The following PDS5A variants were observed in gnomAD, a reference collection of about 807,000 sequenced individuals.
PDS5A encodes PDS5 cohesin associated factor A.
In PDS5A, 42 loss-of-function variants were observed where a neutral mutation model predicts 167.1. The ratio of observed to expected loss-of-function variants is 0.25; its 90% CI spans 0.20 to 0.33. PDS5A has a LOEUF of 0.33. PDS5A is among the 10% of genes least tolerant of loss of function. PDS5A has a pLI of 1.00. For missense variants in PDS5A, 1,033 were observed against 1,605.9 expected (o/e 0.64, Z 6.10); for synonymous variants, 553 against 554.6 (o/e 1.00, Z 0.04).
intron 19 of PDS5A, among the ~76,000 whole-genome samples, chr4:39,876,269 A>G (rs773542800): frequency 1.4e-4 from 22 of 152,304 alleles, no homozygotes; most frequent in Admixed American, 2.6e-4. Flanking sequence ...GGCAGGGACT[A>G]ATTGTGGTAA....
At chr4:39,849,438 C>CAAA (rs33909953) in intron 27 of PDS5A, 82 bp downstream of exon 27, 44,093 of 473,856 alleles carry the variant, frequency 0.093, 1,017 homozygotes, top group East Asian at 0.13. Flanking sequence ...TACGTATGGC[C>CAAA]AAAAAAAAAA....
At chr4:39,871,973 T>C (rs1352985470) in intron 21 of PDS5A, among the ~76,000 whole-genome samples, 3 of 152,136 alleles carry the variant, frequency 2.0e-5, no homozygotes, top group African/African-American at 7.2e-5. Context: ...CTCAAAGTGC[T>C]AGGATTACAG....
Position 39,929,534 on chromosome 4 carries a change from T to TATATAC in PDS5A, c.139-1371_139-1370insGTATAT, listed in dbSNP as rs1553903690. Among the ~76,000 whole-genome samples the TATATAC allele has an allele frequency of 4.7e-3, 485 of 102,602 alleles. 24 individuals carry two copies. The highest frequency in any genetic ancestry group is 0.021 in the Middle Eastern group (5 of 234). The allele number at this position is 102,602 out of a possible 152,430, so 67.3% of individuals were successfully genotyped here. On this transcript the variant is annotated intron_variant, in intron 2 of 32. Coordinates refer to ENST00000303538, the MANE Select transcript of PDS5A (RefSeq NM_001100399.2). ...ACTTAATAAACTATATATATATATA[T>TATATAC]ATATATATATATATATATATATCCC...
intron 30 of PDS5A, among the ~76,000 whole-genome samples, chr4:39,842,983 G>C (rs1179153312): frequency 1.5e-5 from 2 of 136,038 alleles, no homozygotes; most frequent in Non-Finnish European, 3.1e-5. Flanking sequence ...TGTAATCATA[G>C]CTGATATAGC....
At chr4:39,854,907 T>C (rs1038880577) in intron 26 of PDS5A, among the ~76,000 whole-genome samples, 4 of 152,204 alleles carry the variant, frequency 2.6e-5, no homozygotes, top group African/African-American at 9.7e-5. Flanking sequence ...TACGAATAAT[T>C]GTTTTCTTCT....
chr4:39,931,891 C>CTTTTT (rs372230505), intron 2 of PDS5A, among the ~76,000 whole-genome samples: 2 of 136,126 alleles, frequency 1.5e-5, no homozygotes, highest in African/African-American at 5.4e-5. Flanking sequence ...GGTCAGGTGA[C>CTTTTT]TTTTTTTTTT....
At chr4:39,858,488 T>C (rs1041072561) in intron 26 of PDS5A, among the ~76,000 whole-genome samples, 3 of 152,176 alleles carry the variant, frequency 2.0e-5, no homozygotes, top group Non-Finnish European at 4.4e-5. Context: ...AAAATGGTAC[T>C]GGAAAAACTG....
chr4:39,903,228 A>G (rs1005127688), intron 12 of PDS5A, among the ~76,000 whole-genome samples: 2 of 152,204 alleles, frequency 1.3e-5, no homozygotes, highest in Non-Finnish European at 2.9e-5. Context: ...CCCCCTTCAT[A>G]TTACTTCCAG....
Position 39,887,722 on chromosome 4 carries a change from A to T in PDS5A, c.1886+2527T>A, listed in dbSNP as rs868275719. Among the ~76,000 whole-genome samples, 8 of 152,354 alleles carry T rather than the reference A, an allele frequency of 5.3e-5. No individual in the cohort carries two copies. The South Asian group carries it at 6.2e-4, about 12-fold the overall frequency. ...GCAACTAAAGCAAAAATAGAAAAAT[A>T]GGATTACATTAAGCTAAAATGGTTC... is the stretch of plus-strand genomic sequence containing the variant. On this transcript the variant is annotated intron_variant, in intron 17 of 32. Coordinates refer to ENST00000303538, the MANE Select transcript of PDS5A (RefSeq NM_001100399.2).
chr4:39,910,057 CAAAT>C (rs917748910), intron 10 of PDS5A, 183 bp downstream of exon 10: 68 of 445,608 alleles, frequency 1.5e-4, no homozygotes, highest in African/African-American at 7.5e-4. Context: ...AACAAACAAA[CAAAT>C]AAAGAGATTT....
intron 29 of PDS5A, 133 bp from the exon 30 acceptor site, chr4:39,844,934 G>A: frequency 1.0e-6 from 1 of 980,526 alleles, no homozygotes; most frequent in Non-Finnish European, 1.4e-6. Flanking sequence ...TGTTCATTCT[G>A]GGCCAGGCAT....
chr4:39,837,670 C>T (rs1167818125), intron 32 of PDS5A, 186 bp downstream of exon 32: 2 of 485,878 alleles, frequency 4.1e-6, no homozygotes, highest in Non-Finnish European at 7.1e-6. Context: ...GATTTTTCTT[C>T]AAATTTGTGC....
chr4:39,928,949 A>C (rs1340451517), intron 2 of PDS5A, among the ~76,000 whole-genome samples: 2 of 152,234 alleles, frequency 1.3e-5, no homozygotes, highest in African/African-American at 4.8e-5. Context: ...TCATTATAAA[A>C]TGCAAAGAAT....
Position 39,866,872 on chromosome 4 carries a change from T to C in PDS5A, c.2631A>G (p.Gln877=). 1.2e-6 allele frequency: 2 copies of C among 1,610,848 alleles called. No homozygotes were observed. Among genetic ancestry groups the C allele is most frequent in the Admixed American group, 1.7e-5 (1 of 59,032 alleles). ...MLVSEGDLTE[Q]KRISKSDMSR... ...AAGAAAAATCTCACCTGATCCTCTT[T>C]TGCTCTGTCAGGTCACCCTCACTAA... is the stretch of plus-strand genomic sequence containing the variant. The change falls in exon 23 of 33, where the codon CAA becomes CAG. Residue 877 remains glutamine (Q), a synonymous_variant. Transcript: ENST00000303538.
chr4:39,823,918 AATC>A lies in PDS5A; in HGVS notation c.*1564_*1566del, dbSNP rs1440633684. The A allele has an allele frequency of 6.6e-6, 1 of 152,374 alleles. No individual in the cohort carries two copies. Among genetic ancestry groups the A allele is most frequent in the African/African-American group, 2.4e-5 (1 of 41,472 alleles). The allele number at this position is 152,374 out of a possible 1,614,324, so 9.4% of individuals were successfully genotyped here. On this transcript the variant is annotated 3_prime_UTR_variant, in exon 33 of 33. Transcript: ENST00000303538. ...TTACTCTCAAACTTCACTCTAACAG[AATC>A]ATCCACCTTTGATACACTTGTTTGT...
Position 39,842,076 on chromosome 4 carries a change from C to T in PDS5A, c.3549-20G>A. 7.1e-7 allele frequency: 1 copy of T among 1,407,224 alleles called. No individual in the cohort carries two copies. Among genetic ancestry groups the T allele is most frequent in the Non-Finnish European group, 1.0e-6 (1 of 991,660 alleles). The allele number at this position is 1,407,224 out of a possible 1,614,324, so 87.2% of individuals were successfully genotyped here. On this transcript the variant is annotated intron_variant, in intron 30 of 32. Transcript: ENST00000303538. ...TGTTCCCTGTTTAAAACAAATAAAC[C>T]AAGACTTCATATTTCCATGAAGAGA...
At chr4:39,837,532 T>G in intron 32 of PDS5A, 1 of 216,940 alleles carries the variant, frequency 4.6e-6, no homozygotes, top group Non-Finnish European at 8.9e-6. Flanking sequence ...ATCCAAAAGG[T>G]AGCCCTTATT....
At chr4:39,895,661 A>T (rs188359176) in intron 16 of PDS5A, among the ~76,000 whole-genome samples, 57 of 152,240 alleles carry the variant, frequency 3.7e-4, no homozygotes, top group African/African-American at 1.1e-3. Flanking sequence ...TTCAATGATA[A>T]ATTATCCTTA....
At chr4:39,900,107 A>G (rs1318043316) in intron 14 of PDS5A, among the ~76,000 whole-genome samples, 1 of 152,164 alleles carries the variant, frequency 6.6e-6, no homozygotes, top group Non-Finnish European at 1.5e-5. Context: ...TGCAGTGAAA[A>G]AGAAATATGA....
Sources: allele counts gnomAD v4.1 joint callset (sites outside exome capture counted in the v4.1 genomes callset), GRCh38; gene constraint gnomAD v4.1.1; transcripts MANE v1.5; gene names NCBI Gene and HGNC (gene_info 2026-07-23, HGNC 2026-07-21).